The following HSPA12B variants were observed in gnomAD, a reference collection of about 807,000 sequenced individuals.
The protein encoded by HSPA12B is heat shock protein family A (Hsp70) member 12B.
A neutral mutation model predicts 69.3 loss-of-function variants in HSPA12B; 54 were observed. The observed-to-expected ratio is 0.78, with a 90% confidence interval of 0.63 to 0.98. The LOEUF is 0.98. Ranked by LOEUF, HSPA12B falls within the 50% of genes least tolerant of loss-of-function variation. The pLI, the probability that HSPA12B is intolerant of heterozygous loss-of-function variation, is 0.00. For missense variants in HSPA12B, 929 were observed against 999.8 expected (o/e 0.93, Z 0.96); for synonymous variants, 441 against 436.5 (o/e 1.01, Z -0.13).
intron 7 of HSPA12B, 34 bp from the exon 8 acceptor site, chr20:3,748,183 G>A (rs201910342): frequency 6.7e-7 from 1 of 1,499,550 alleles, no homozygotes; most frequent in Non-Finnish European, 9.0e-7. Context: ...ACAGCCCACA[G>A]TGCTGCCTGA....
At position 3,745,628 on chromosome 20, in the gene HSPA12B, G is replaced by T. The variant is rs775253444; in HGVS notation, c.558+31G>T. On this transcript the variant is annotated intron_variant, in intron 6 of 12. Coordinates refer to ENST00000254963, the MANE Select transcript of HSPA12B (RefSeq NM_052970.5). The surrounding 1 kb of genome is among the most constrained non-coding windows in gnomAD (Gnocchi z 5.6). ...CTGCGGCCCCACCTCTGCCGACTGT[G>T]GCAGGGACCCCCTATTTTCCCCTCA... The T allele has an allele frequency of 6.3e-7, 1 of 1,586,894 alleles. No individual in the cohort carries two copies. The highest frequency in any genetic ancestry group is 1.3e-5 in the African/African-American group (1 of 74,482).
At chr20:3,742,101 C>T (rs2088212250) in intron 3 of HSPA12B, among the ~76,000 whole-genome samples, 183 bp from the exon 4 acceptor site, 1 of 151,990 alleles carries the variant, frequency 6.6e-6, no homozygotes. Flanking sequence ...AAGGCTCAGC[C>T]TGGAGCCTGG....
Position 3,749,872 on chromosome 20 carries a change from G to A in HSPA12B, c.1042+18G>A, listed in dbSNP as rs770966334. ...GGCATCTGGTGAGTAGCCAGGCGGC[G>A]CCCCGGTACCCAGCGCGACCCGGGC... On this transcript the variant is annotated intron_variant, in intron 10 of 12. Transcript: ENST00000254963. This position sits in a 1 kb window ranked among gnomAD's most constrained non-coding sequence, Gnocchi z 5.5. 2.5e-6 allele frequency: 4 copies of A among 1,578,312 alleles called. 1 individual carries two copies. Among genetic ancestry groups the A allele is most frequent in the Admixed American group, 3.7e-5 (2 of 54,412 alleles).
At chr20:3,751,332 C>T in intron 12 of HSPA12B, 179 bp from the exon 13 acceptor site, 1 of 985,462 alleles carries the variant, frequency 1.0e-6, no homozygotes, top group Non-Finnish European at 1.2e-6. Context: ...GCGAAGCCCT[C>T]GAGGACTCCC....
chr20:3,736,751 G>A (rs151121779), intron 1 of HSPA12B, among the ~76,000 whole-genome samples: 12 of 152,294 alleles, frequency 7.9e-5, no homozygotes, highest in South Asian at 4.1e-4. Context: ...GGCCAGACGC[G>A]GTGGCTTACG....
rs1410805577 is a variant in HSPA12B at position 3,740,903 on chromosome 20, G to A, written c.132G>A (p.Ser44=). The change falls in exon 3 of 13, where the codon TCG becomes TCA. Residue 44 remains serine (S), a synonymous_variant. Coordinates refer to ENST00000254963, the MANE Select transcript of HSPA12B (RefSeq NM_052970.5). The surrounding 1 kb of genome is among the most constrained non-coding windows in gnomAD (Gnocchi z 4.9). ...ESCGIAPLTP[S]QSPKPEVRAP... ...GCGGCATTGCCCCCCTCACACCCTC[G>A]CAGTCTCCAGTAAGCCCAGAGCAGG... 4.3e-6 allele frequency: 7 copies of A among 1,612,318 alleles called. No individual in the cohort carries two copies. Among genetic ancestry groups the A allele is most frequent in the African/African-American group, 2.7e-5 (2 of 75,014 alleles).
chr20:3,749,195 C>G lies in HSPA12B; in HGVS notation c.851-37C>G, dbSNP rs755271921. On this transcript the variant is annotated intron_variant, in intron 8 of 12. Transcript: ENST00000254963. The surrounding 1 kb of genome is among the most constrained non-coding windows in gnomAD (Gnocchi z 5.5). ...TTGAACGCCATAGCTGGAGCACCTCCTTCTAATCTCACTCCCTGCTGTCTC... is the reference window on the plus strand; with the variant it reads ...TTGAACGCCATAGCTGGAGCACCTCGTTCTAATCTCACTCCCTGCTGTCTC... 6.3e-7 allele frequency: 1 copy of G among 1,587,578 alleles called. No individual in the cohort carries two copies. The highest frequency in any genetic ancestry group is 1.1e-5 in the South Asian group (1 of 88,744).
chr20:3,748,510 G>A, intron 8 of HSPA12B, 119 bp downstream of exon 8: 6 of 976,278 alleles, frequency 6.1e-6, no homozygotes, highest in Non-Finnish European at 8.3e-6. Flanking sequence ...AGCCCAATTT[G>A]AGCAGGCAGA....
intron 4 of HSPA12B, among the ~76,000 whole-genome samples, chr20:3,743,764 G>A (rs971520297): frequency 6.6e-6 from 1 of 151,732 alleles, no homozygotes; most frequent in Admixed American, 6.6e-5. Context: ...TACAAAAAGT[G>A]CAGCAGTAAT....
chr20:3,749,888 C>T lies in HSPA12B; in HGVS notation c.1042+34C>T. 6.5e-7 allele frequency: 1 copy of T among 1,548,760 alleles called. No homozygotes were observed. The highest frequency in any genetic ancestry group is 8.7e-7 in the Non-Finnish European group (1 of 1,145,012). Reference sequence around the variant, plus strand: ...CCAGGCGGCGCCCCGGTACCCAGCGCGACCCGGGCTCCGGCCCCGCCACTG... The same window carrying T: ...CCAGGCGGCGCCCCGGTACCCAGCGTGACCCGGGCTCCGGCCCCGCCACTG... On this transcript the variant is annotated intron_variant, in intron 10 of 12. Transcript: ENST00000254963. The surrounding 1 kb of genome is among the most constrained non-coding windows in gnomAD (Gnocchi z 5.5).
intron 1 of HSPA12B, among the ~76,000 whole-genome samples, chr20:3,733,364 A>G (rs770704385): frequency 3.3e-5 from 5 of 151,844 alleles, no homozygotes; most frequent in Non-Finnish European, 5.9e-5. Flanking sequence ...TTGATGAGAG[A>G]GACTGGAAGG....
chr20:3,750,433 C>G (rs911938515), intron 11 of HSPA12B, among the ~76,000 whole-genome samples: 3 of 152,138 alleles, frequency 2.0e-5, no homozygotes, highest in Non-Finnish European at 4.4e-5. Flanking sequence ...ATCCGCAGCC[C>G]GAACTGGGGC....
rs2088132946 is a variant in HSPA12B at position 3,737,833 on chromosome 20, T to A, written c.-17-825T>A. 6.6e-6 allele frequency among the ~76,000 whole-genome samples: 1 copy of A among 152,010 alleles called. No homozygotes were observed. Among genetic ancestry groups the A allele is most frequent in the Non-Finnish European group, 1.5e-5 (1 of 68,006 alleles). On this transcript the variant is annotated intron_variant, in intron 1 of 12. Coordinates refer to ENST00000254963, the MANE Select transcript of HSPA12B (RefSeq NM_052970.5). This position sits in a 1 kb window ranked among gnomAD's most constrained non-coding sequence, Gnocchi z 4.1. Reference sequence around the variant, plus strand: ...GCCTGGCCAACACGGCGAAACCCCGTCTCTACTAAAAATACAAAAATTAGC... The same window carrying A: ...GCCTGGCCAACACGGCGAAACCCCGACTCTACTAAAAATACAAAAATTAGC...
At chr20:3,736,081 G>A (rs1201412553) in intron 1 of HSPA12B, among the ~76,000 whole-genome samples, 1 of 152,166 alleles carries the variant, frequency 6.6e-6, no homozygotes, top group Non-Finnish European at 1.5e-5. Flanking sequence ...TGACTGATTT[G>A]AAGCTACCAA....
intron 11 of HSPA12B, 102 bp from the exon 12 acceptor site, chr20:3,750,699 ACTT>A (rs2088402240): frequency 6.9e-6 from 11 of 1,591,312 alleles, no homozygotes; most frequent in Non-Finnish European, 9.4e-6. Context: ...GTGCCCAGGC[ACTT>A]CTGCCTGGAG....
chr20:3,742,365 G>A lies in HSPA12B; in HGVS notation c.223G>A (p.Ala75Thr). 1 of 1,614,062 alleles carries A rather than the reference G, an allele frequency of 6.2e-7. No individual in the cohort carries two copies. Among genetic ancestry groups the A allele is most frequent in the Non-Finnish European group, 8.5e-7 (1 of 1,179,902 alleles). Residue 75 changes from alanine to threonine, a missense_variant, in exon 4 of 13, where the codon GCT becomes ACT. Around this residue, in one of 3 missense-constraint regions of HSPA12B, gnomAD observed 477 missense variants for 535.2 expected, o/e 0.89. Transcript: ENST00000254963. ...IDFGTTSSGY[A>T]FSFASDPEAI... ...CTTCGGCACCACGTCTAGTGGCTAT[G>A]CTTTCAGCTTTGCCAGTGACCCTGA...
rs1183005982 is a variant in HSPA12B, at chr20:3,750,043, A to T, written c.1117A>T (p.Ile373Phe). The T allele has an allele frequency of 6.2e-7, 1 of 1,607,888 alleles. No individual in the cohort carries two copies. The highest frequency in any genetic ancestry group is 1.7e-5 in the Admixed American group (1 of 59,510). ...LLCRIFGEDF[I>F]ATFKRQRPAA... ...GTGCCGCATCTTCGGCGAGGACTTC[A>T]TCGCCACCTTCAAAAGGCAACGGCC... The change falls in exon 11 of 13, where the codon ATC (isoleucine) becomes TTC (phenylalanine). Residue 373 changes from isoleucine (I) to phenylalanine (F), a missense_variant. This residue lies in a region of HSPA12B where 477 missense variants were observed against 535.2 expected (regional missense o/e 0.89). Coordinates refer to ENST00000254963, the MANE Select transcript of HSPA12B (RefSeq NM_052970.5).
chr20:3,746,069 G>T, intron 7 of HSPA12B, 38 bp downstream of exon 7: 1 of 1,497,110 alleles, frequency 6.7e-7, no homozygotes, highest in Non-Finnish European at 9.3e-7. Context: ...CACTGCTCAG[G>T]AAGGGCCAGG....
In HSPA12B at chr20:3,750,099, C is replaced by G. The variant is rs1351271354; in HGVS notation, c.1173C>G (p.Phe391Leu). ...PAAWVDLTIA[F>L]EARKRTAGPH... ...CCTGGGTAGATCTGACCATCGCCTTCGAGGCTCGCAAGCGCACTGCTGGCC... is the reference window on the plus strand; with the variant it reads ...CCTGGGTAGATCTGACCATCGCCTTGGAGGCTCGCAAGCGCACTGCTGGCC... Residue 391 changes from phenylalanine (F) to leucine (L), a missense_variant, in exon 11 of 13, where the codon TTC becomes TTG. Physicochemically the swap from Phe to Leu is conservative, Grantham distance 22. Around this residue, in one of 3 missense-constraint regions of HSPA12B, gnomAD observed 4 missense variants for 16.5 expected, o/e 0.24. Transcript: ENST00000254963. 1 of 1,612,166 alleles carries G rather than the reference C, an allele frequency of 6.2e-7. No individual in the cohort carries two copies. Among genetic ancestry groups the G allele is most frequent in the Non-Finnish European group, 8.5e-7 (1 of 1,179,696 alleles).
Sources: gnomAD v4.1 joint callset for allele counts (sites outside exome capture counted in the v4.1 genomes callset) on GRCh38, gnomAD v4.1.1 for gene constraint, gnomAD v4.1.1 regional missense constraint, Gnocchi (gnomAD v3.1) non-coding constraint, MANE v1.5 for transcripts, NCBI Gene and HGNC (gene_info 2026-07-23, HGNC 2026-07-21) for gene names.